The following CTDSPL2 variants were observed in gnomAD, a reference collection of about 807,000 sequenced individuals.
CTDSPL2 encodes the protein CTD small phosphatase like 2.
Under a neutral mutation model 60.0 loss-of-function variants are expected in CTDSPL2, and 5 were observed. The observed-to-expected ratio is 0.08, with a 90% CI of 0.04 to 0.18. The LOEUF is 0.18. Ranked by LOEUF, CTDSPL2 falls within the 10% of genes least tolerant of loss-of-function variation. The pLI is 1.00. For synonymous variants in CTDSPL2, 186 were observed against 189.3 expected (o/e 0.98, Z 0.14); for missense variants, 370 against 548.8 (o/e 0.67, Z 3.26).
chr15:44,440,230 C>T (rs1319442749), intron 1 of CTDSPL2, among the ~76,000 whole-genome samples: 1 of 145,896 alleles, frequency 6.9e-6, no homozygotes. Flanking sequence ...GAGTCTTGCT[C>T]TGTTGCCCAG....
intron 1 of CTDSPL2, among the ~76,000 whole-genome samples, chr15:44,454,666 C>T (rs1273615192): frequency 2.0e-5 from 3 of 152,134 alleles, no homozygotes; most frequent in Non-Finnish European, 1.5e-5. Context: ...TTTCCCAGGA[C>T]CGTTTATTAA....
intron 11 of CTDSPL2, chr15:44,519,523 T>C (rs2081719911): frequency 2.7e-6 from 1 of 368,686 alleles, no homozygotes; most frequent in African/African-American, 2.1e-5. Context: ...GTAAGAAAAC[T>C]ATAAGATAAG....
intron 5 of CTDSPL2, 117 bp downstream of exon 5, chr15:44,491,116 A>G (rs754532041): frequency 1.3e-6 from 1 of 746,446 alleles, no homozygotes; most frequent in Non-Finnish European, 2.1e-6. Context: ...CCTGGAAGTT[A>G]AGAAAAAGTT....
chr15:44,506,025 CTTTTTT>C (rs753896129), intron 8 of CTDSPL2, among the ~76,000 whole-genome samples: 3,986 of 117,526 alleles, frequency 0.034, 203 homozygotes, highest in African/African-American at 0.12. Flanking sequence ...TCATTGGTAA[CTTTTTT>C]TTTTTTTTTT....
chr15:44,476,014 CTCT>C (rs1389990256), intron 2 of CTDSPL2, among the ~76,000 whole-genome samples: 1 of 152,162 alleles, frequency 6.6e-6, no homozygotes, highest in Non-Finnish European at 1.5e-5. Flanking sequence ...GAAATCACAG[CTCT>C]TCTTACCTCC....
intron 11 of CTDSPL2, chr15:44,520,793 C>G (rs1168696475): frequency 1.3e-5 from 2 of 152,100 alleles, no homozygotes; most frequent in African/African-American, 4.8e-5. Flanking sequence ...TGTTTTTAGG[C>G]TCCTCTTCAA....
intron 1 of CTDSPL2, among the ~76,000 whole-genome samples, chr15:44,438,249 G>A (rs886647600): frequency 6.7e-5 from 10 of 149,752 alleles, no homozygotes; most frequent in Non-Finnish European, 1.0e-4. Flanking sequence ...GGGTGACAGA[G>A]CGAGACTCCG....
chr15:44,510,964 C>T lies in CTDSPL2; in HGVS notation c.970-3634C>T, dbSNP rs76654173. Among the ~76,000 whole-genome samples the T allele has an allele frequency of 8.6e-3, 1,317 of 152,284 alleles. 15 individuals are homozygous for T. Among genetic ancestry groups the T allele is most frequent in the African/African-American group, 0.03 (1,242 of 41,536 alleles). ...CTTACCTATATCCAAATAACTTAGA[C>T]GCTGCTGGCCTTATGTCTCATCTCT... On this transcript the variant is annotated intron_variant, in intron 8 of 12. Transcript: ENST00000260327.
At chr15:44,477,792 C>T (rs1020256319) in intron 2 of CTDSPL2, among the ~76,000 whole-genome samples, 2 of 151,652 alleles carry the variant, frequency 1.3e-5, no homozygotes, top group Non-Finnish European at 1.5e-5. Flanking sequence ...GAGCCAAGAT[C>T]GTGCCATTGC....
At chr15:44,431,712 GTTTGT>G (rs1365532234) in intron 1 of CTDSPL2, among the ~76,000 whole-genome samples, 9 of 137,896 alleles carry the variant, frequency 6.5e-5, no homozygotes, top group African/African-American at 2.0e-4. Flanking sequence ...TTGTTTGTTT[GTTTGT>G]TTTTTTTTTT....
intron 2 of CTDSPL2, among the ~76,000 whole-genome samples, chr15:44,470,097 C>CAAAAA (rs886463524): frequency 5.5e-5 from 3 of 54,152 alleles, no homozygotes; most frequent in South Asian, 1.4e-3. Flanking sequence ...GACTCTGTCT[C>CAAAAA]AAAAAAAAAA....
intron 2 of CTDSPL2, among the ~76,000 whole-genome samples, chr15:44,469,169 G>A (rs2080755759): frequency 6.6e-6 from 1 of 152,142 alleles, no homozygotes; most frequent in Admixed American, 6.6e-5. Context: ...TGTAGTGTTT[G>A]GCACTGTCTG....
intron 1 of CTDSPL2, chr15:44,448,286 C>A (rs1005664290): frequency 4.3e-5 from 12 of 280,274 alleles, no homozygotes; most frequent in Non-Finnish European, 8.0e-5. Flanking sequence ...ATGCTAGAGG[C>A]CATTTGGTCA....
intron 2 of CTDSPL2, among the ~76,000 whole-genome samples, chr15:44,481,433 G>A (rs774225512): frequency 2.6e-5 from 4 of 152,128 alleles, no homozygotes; most frequent in African/African-American, 9.7e-5. Context: ...AACATAGTAG[G>A]GGGGAGGGGT....
intron 2 of CTDSPL2, among the ~76,000 whole-genome samples, chr15:44,480,913 A>G (rs1205937079): frequency 6.6e-6 from 1 of 152,218 alleles, no homozygotes; most frequent in Non-Finnish European, 1.5e-5. Flanking sequence ...TTATATAGTA[A>G]TGTAGAAACT....
chr15:44,523,442 ACAT>A (rs1379958909), intron 12 of CTDSPL2, among the ~76,000 whole-genome samples: 14 of 148,714 alleles, frequency 9.4e-5, no homozygotes, highest in African/African-American at 2.9e-4. Context: ...ATACATACAT[ACAT>A]AAGCAAGCAA....
At chr15:44,479,407 C>CTTTTTTTTTTTTTT (rs11414036) in intron 2 of CTDSPL2, among the ~76,000 whole-genome samples, 4 of 97,890 alleles carry the variant, frequency 4.1e-5, no homozygotes, top group Admixed American at 1.1e-4. Context: ...ATTTTCTTTC[C>CTTTTTTTTTTTTTT]TTTTTTTTTT....
At chr15:44,509,530 A>G (rs2081530690) in intron 8 of CTDSPL2, among the ~76,000 whole-genome samples, 1 of 152,194 alleles carries the variant, frequency 6.6e-6, no homozygotes, top group South Asian at 2.1e-4. Flanking sequence ...TTAAAAATCC[A>G]GCTATGTTAA....
At chr15:44,513,203 C>T (rs761483123) in intron 8 of CTDSPL2, among the ~76,000 whole-genome samples, 1 of 152,134 alleles carries the variant, frequency 6.6e-6, no homozygotes, top group Non-Finnish European at 1.5e-5. Flanking sequence ...TGGTGGCTCA[C>T]GCCTGTAATC....
Sources: allele counts gnomAD v4.1 joint callset (sites outside exome capture counted in the v4.1 genomes callset), GRCh38; gene constraint gnomAD v4.1.1; transcripts MANE v1.5; gene names NCBI Gene and HGNC (gene_info 2026-07-23, HGNC 2026-07-21).